PTN: variants seen among roughly 807,000 people sequenced by gnomAD.
PTN encodes the protein heparin affin regulatory protein.
A neutral mutation model predicts 24.1 loss-of-function variants in PTN; 18 were observed. That is an observed-to-expected ratio of 0.75 (90% CI 0.52 to 1.11). The LOEUF (loss-of-function observed/expected upper bound fraction) is 1.11, where lower values mean the gene tolerates loss of function less well. PTN is among the 50% of genes least tolerant of loss of function. PTN has a pLI of 0.00. For missense variants in PTN, 163 were observed against 198.8 expected, an observed-to-expected ratio of 0.82 and a Z score of 1.08; for synonymous variants, 78 against 68.6, an observed-to-expected ratio of 1.14 and a Z score of -0.67.
intron 1 of PTN, among the ~76,000 whole-genome samples, chr7:137,261,555 T>C (rs1244739509): frequency 1.3e-5 from 2 of 152,158 alleles, no homozygotes; most frequent in East Asian, 1.9e-4. Flanking sequence ...AAGGGAAAAT[T>C]TCCCCTTTGC....
At chr7:137,241,877 C>T (rs926364012) in intron 4 of PTN, among the ~76,000 whole-genome samples, 3 of 152,182 alleles carry the variant, frequency 2.0e-5, no homozygotes, top group Non-Finnish European at 2.9e-5. Flanking sequence ...AATCATCAAC[C>T]TCTTCAGGGG....
chr7:137,231,764 C>A (rs961618937), intron 4 of PTN, among the ~76,000 whole-genome samples: 3 of 151,868 alleles, frequency 2.0e-5, no homozygotes, highest in African/African-American at 7.2e-5. Flanking sequence ...AAATTTCAGT[C>A]TATCTTTAAA....
intron 1 of PTN, among the ~76,000 whole-genome samples, chr7:137,259,832 G>A (rs865952705): frequency 6.6e-6 from 1 of 151,802 alleles, no homozygotes; most frequent in Non-Finnish European, 1.5e-5. Context: ...TTTTGAGTTC[G>A]CTGAAGTCAA....
chr7:137,325,534 A>T (rs912795025), intron 1 of PTN: 3 of 152,604 alleles, frequency 2.0e-5, no homozygotes, highest in Non-Finnish European at 4.4e-5. Flanking sequence ...CACCCAGGGC[A>T]GGGGCCCTTT....
Position 137,328,765 on chromosome 7 carries a change from A to T in PTN, c.-2+14674T>A, listed in dbSNP as rs189627258. Among the ~76,000 whole-genome samples, 78 of 152,274 alleles carry T rather than the reference A, an allele frequency of 5.1e-4. No individual in the cohort carries two copies. The Middle Eastern group carries it at 0.017, about 33-fold the overall frequency. ...GCCAGGCCAACTGGTGTTTGAGAAA[A>T]CAATGGGAATTAAACAATGGGCAAT... On this transcript the variant is annotated intron_variant, in intron 1 of 4. Coordinates refer to ENST00000348225, the MANE Select transcript of PTN (RefSeq NM_002825.7).
chr7:137,338,424 T>C (rs1047586657), intron 1 of PTN, among the ~76,000 whole-genome samples: 1 of 152,210 alleles, frequency 6.6e-6, no homozygotes, highest in African/African-American at 2.4e-5. Context: ...AGGAGTTCAA[T>C]TTCCCTTCCA....
At chr7:137,228,925 T>C (rs960492464) in intron 4 of PTN, among the ~76,000 whole-genome samples, 1 of 151,816 alleles carries the variant, frequency 6.6e-6, no homozygotes, top group Non-Finnish European at 1.5e-5. Context: ...ATTTGGTCCA[T>C]AGTAGTGGCA....
chr7:137,262,068 C>T (rs894312952), intron 1 of PTN, among the ~76,000 whole-genome samples: 1 of 152,122 alleles, frequency 6.6e-6, no homozygotes, highest in Non-Finnish European at 1.5e-5. Flanking sequence ...TATGACTATT[C>T]AGAATCTATT....
intron 1 of PTN, among the ~76,000 whole-genome samples, chr7:137,264,171 G>C (rs904232432): frequency 2.0e-5 from 3 of 152,098 alleles, no homozygotes; most frequent in African/African-American, 7.2e-5. Flanking sequence ...TTGATCTCCT[G>C]TTACAGTTCC....
At chr7:137,296,642 G>A (rs1809722249) in intron 1 of PTN, among the ~76,000 whole-genome samples, 1 of 152,024 alleles carries the variant, frequency 6.6e-6, no homozygotes, top group Non-Finnish European at 1.5e-5. Context: ...GATTTCTGTG[G>A]TGGCAGGGGG....
intron 1 of PTN, among the ~76,000 whole-genome samples, chr7:137,293,860 A>G (rs1809678581): frequency 6.6e-6 from 1 of 152,130 alleles, no homozygotes; most frequent in Admixed American, 6.5e-5. Flanking sequence ...CAAATGTAGA[A>G]TGTATCCACC....
chr7:137,312,025 A>T (rs1030986490), intron 1 of PTN, among the ~76,000 whole-genome samples: 5 of 152,148 alleles, frequency 3.3e-5, no homozygotes, highest in African/African-American at 1.2e-4. Flanking sequence ...ATATATCATC[A>T]ATGGACCATG....
chr7:137,233,163 TTAAG>T, intron 4 of PTN, among the ~76,000 whole-genome samples: 1 of 152,036 alleles, frequency 6.6e-6, no homozygotes, highest in Admixed American at 6.6e-5. Flanking sequence ...TGCTAACGTA[TTAAG>T]TGACACCATG....
At chr7:137,329,086 C>G (rs1367605016) in intron 1 of PTN, among the ~76,000 whole-genome samples, 1 of 152,148 alleles carries the variant, frequency 6.6e-6, no homozygotes, top group East Asian at 1.9e-4. Context: ...GGACAAGTTA[C>G]TTCTGAGATA....
At position 137,283,484 on chromosome 7, in the gene PTN, T is replaced by C. The variant is rs547938933; in HGVS notation, c.-1-28510A>G. On this transcript the variant is annotated intron_variant, in intron 1 of 4. Coordinates refer to ENST00000348225, the MANE Select transcript of PTN (RefSeq NM_002825.7). The stretch of plus-strand genomic sequence containing the variant: ...AATCAAGGAAAGGCTTCATTGATTA[T>C]TCAGAGTGTTGCTTTGGGAAAGAGA... 7.9e-5 allele frequency among the ~76,000 whole-genome samples: 12 copies of C among 152,332 alleles called. No homozygotes were observed. In the East Asian group the frequency reaches 2.3e-3, roughly 29 times the overall value.
chr7:137,332,467 T>C (rs1384264120), intron 1 of PTN, among the ~76,000 whole-genome samples: 3 of 152,182 alleles, frequency 2.0e-5, no homozygotes, highest in Non-Finnish European at 4.4e-5. Context: ...TTGAGCTATA[T>C]TTGAGATTCT....
rs764893391 is a variant in PTN, at chr7:137,343,491, C to A, written c.-54G>T. 4 of 518,664 alleles carry A rather than the reference C, an allele frequency of 7.7e-6. No homozygotes were observed. The highest frequency in any genetic ancestry group is 1.5e-5 in the Non-Finnish European group (4 of 259,832). The allele number at this position is 518,664 out of a possible 1,614,324, so 32.1% of individuals were successfully genotyped here. A position where few individuals can be genotyped will look rare whatever the true frequency, so the allele number is the denominator to read the frequency against. ...CTCAGTCTGCCTTTGTTGCAAGGGG[C>A]GAGGTTGCTACCGCTGAGTCCAGGT... is the stretch of plus-strand genomic sequence containing the variant. On this transcript the variant is annotated 5_prime_UTR_variant, in exon 1 of 5. Coordinates refer to ENST00000348225, the MANE Select transcript of PTN (RefSeq NM_002825.7).
intron 1 of PTN, among the ~76,000 whole-genome samples, chr7:137,317,197 T>A (rs573307143): frequency 2.0e-5 from 3 of 152,288 alleles, no homozygotes; most frequent in Non-Finnish European, 4.4e-5. Context: ...GGGCTGGCCA[T>A]TCAGATGGAG....
intron 1 of PTN, among the ~76,000 whole-genome samples, chr7:137,341,739 T>C (rs552552265): frequency 6.6e-6 from 1 of 152,048 alleles, no homozygotes; most frequent in Admixed American, 6.5e-5. Flanking sequence ...AAAGATGTCC[T>C]AAAGGGAACC....
Sources: gnomAD v4.1 joint callset for allele counts (sites outside exome capture counted in the v4.1 genomes callset) on GRCh38, gnomAD v4.1.1 for gene constraint, MANE v1.5 for transcripts, NCBI Gene and HGNC (gene_info 2026-07-23, HGNC 2026-07-21) for gene names.